The following TBC1D30 variants were observed in gnomAD, a reference collection of about 807,000 sequenced individuals.
TBC1D30 encodes TBC1 domain family, member 30.
A neutral mutation model predicts 63.2 loss-of-function variants in TBC1D30; 31 were observed. The observed-to-expected ratio is 0.49, with a 90% confidence interval of 0.37 to 0.66. The LOEUF is 0.66. Ranked by LOEUF, TBC1D30 falls within the 30% of genes least tolerant of loss-of-function variation. TBC1D30 has a pLI of 0.00. For synonymous variants in TBC1D30, 307 were observed against 361.5 expected (o/e 0.85, Z 1.71); for missense variants, 810 against 953.6 (o/e 0.85, Z 1.98).
chr12:64,857,080 T>C (rs1264545055), intron 8 of TBC1D30, among the ~76,000 whole-genome samples: 1 of 152,036 alleles, frequency 6.6e-6, no homozygotes, highest in Admixed American at 6.5e-5. Flanking sequence ...TGCTTGTTGC[T>C]CTACTCTACT....
chr12:64,861,236 A>G (rs757280059), intron 8 of TBC1D30, among the ~76,000 whole-genome samples: 1 of 152,256 alleles, frequency 6.6e-6, no homozygotes, highest in Non-Finnish European at 1.5e-5. Context: ...CAATAATTAC[A>G]AAATATAATG....
intron 2 of TBC1D30, among the ~76,000 whole-genome samples, chr12:64,804,413 A>G (rs371000185): frequency 6.6e-6 from 1 of 152,198 alleles, no homozygotes; most frequent in African/African-American, 2.4e-5. Flanking sequence ...TTTTCTAAAT[A>G]TAGAATAATG....
In TBC1D30 at chr12:64,879,303, G is replaced by A. The variant is rs1879307207; in HGVS notation, c.*3515G>A. On this transcript the variant is annotated 3_prime_UTR_variant, in exon 12 of 12. Coordinates refer to ENST00000539867, the MANE Select transcript of TBC1D30 (RefSeq NM_015279.2). ...GACTAATATTCCCTAATGTGTTCAT[G>A]CCAGAATTCACATAACCAGTACCTT... The A allele has an allele frequency of 6.6e-6, 1 of 152,158 alleles. No individual in the cohort carries two copies. The highest frequency in any genetic ancestry group is 1.5e-5 in the Non-Finnish European group (1 of 68,026). The allele number at this position is 152,158 out of a possible 1,614,324, so 9.4% of individuals were successfully genotyped here. A position where few individuals can be genotyped will look rare whatever the true frequency, so the allele number is the denominator to read the frequency against.
At chr12:64,851,466 T>G (rs765390471) in intron 8 of TBC1D30, among the ~76,000 whole-genome samples, 4 of 152,240 alleles carry the variant, frequency 2.6e-5, no homozygotes, top group Non-Finnish European at 4.4e-5. Flanking sequence ...CACCGATGGG[T>G]CTTGACTCTT....
chr12:64,855,224 A>AT (rs983262957), intron 8 of TBC1D30, among the ~76,000 whole-genome samples: 8 of 146,484 alleles, frequency 5.5e-5, no homozygotes, highest in African/African-American at 7.5e-5. Context: ...TATGTTACTC[A>AT]TTTTTTTTTT....
Position 64,828,479 on chromosome 12 carries a change from C to A in TBC1D30, c.252C>A (p.Ser84=). The A allele has an allele frequency of 6.5e-7, 1 of 1,535,804 alleles. No homozygotes were observed. Among genetic ancestry groups the A allele is most frequent in the South Asian group, 1.2e-5 (1 of 84,042 alleles). ...CTCTCAAGGCAGTTGCCAGGCTATC[C>A]ACAGGAATACCAAAGGAATGGAGGA... ...YDALKAVARL[S]TGIPKEWRRK... Residue 84 remains serine, a synonymous_variant, in exon 3 of 12, where the codon TCC becomes TCA. Transcript: ENST00000539867.
chr12:64,834,707 C>CTTTTTTT (rs11374555), intron 5 of TBC1D30, among the ~76,000 whole-genome samples: 67 of 76,320 alleles, frequency 8.8e-4, no homozygotes, highest in Middle Eastern at 0.013. Context: ...CCGTGCCGGG[C>CTTTTTTT]TTTTTTTTTT....
At chr12:64,830,552 A>G (rs1409594561) in intron 4 of TBC1D30, 50 bp downstream of exon 4, 1 of 1,438,712 alleles carries the variant, frequency 7.0e-7, no homozygotes, top group Non-Finnish European at 9.2e-7. Context: ...GAAAGACTCT[A>G]AAAGCCAGTT....
At chr12:64,759,552 C>T (rs921486947) in exon 1 of TBC1D30, 2 of 362,020 alleles carry the variant, frequency 5.5e-6, no homozygotes, top group Non-Finnish European at 9.5e-6. Flanking sequence ...GGCGGAGAAC[C>T]GGAGAAAAGG....
intron 8 of TBC1D30, among the ~76,000 whole-genome samples, chr12:64,862,845 C>G (rs1877904946): frequency 6.6e-6 from 1 of 151,976 alleles, no homozygotes; most frequent in Non-Finnish European, 1.5e-5. Context: ...GATTCTTGGC[C>G]CAGCTGTGGG....
At chr12:64,830,160 C>T (rs1176591243) in intron 3 of TBC1D30, among the ~76,000 whole-genome samples, 1 of 152,090 alleles carries the variant, frequency 6.6e-6, no homozygotes, top group African/African-American at 2.4e-5. Context: ...GGGAACTCAA[C>T]AAATATTTAT....
In TBC1D30 at chr12:64,824,835, G is replaced by A. The variant is rs572197084; in HGVS notation, c.-45G>A. 43 of 1,524,042 alleles carry A rather than the reference G, an allele frequency of 2.8e-5. No homozygotes were observed. The South Asian group carries it at 4.5e-4, about 16-fold the overall frequency. 94.4% of individuals were successfully genotyped at this position (1,524,042 alleles called of 1,614,324 possible). A position where few individuals can be genotyped will look rare whatever the true frequency, so the allele number is the denominator to read the frequency against. ...GCCGCTCAGCGAGTGGGGTAGCGGG[G>A]ACCGAGACGGACGGTAGCCGTGCCA... is the stretch of plus-strand genomic sequence containing the variant. On this transcript the variant is annotated 5_prime_UTR_variant, in exon 1 of 12. Transcript: ENST00000539867.
chr12:64,825,094 C>T (rs1347497928), intron 1 of TBC1D30, 61 bp downstream of exon 1: 2 of 1,486,142 alleles, frequency 1.3e-6, no homozygotes, highest in African/African-American at 1.4e-5. Context: ...GCCCGCGCTT[C>T]TGCCTTAGCC....
intron 2 of TBC1D30, among the ~76,000 whole-genome samples, chr12:64,817,182 G>C (rs1482585727): frequency 6.6e-6 from 1 of 152,228 alleles, no homozygotes; most frequent in East Asian, 1.9e-4. Context: ...GTGGGTCAGA[G>C]TCTGGGTCCT....
At chr12:64,800,714 G>A (rs889624878) in intron 2 of TBC1D30, among the ~76,000 whole-genome samples, 4 of 152,128 alleles carry the variant, frequency 2.6e-5, no homozygotes, top group African/African-American at 9.7e-5. Context: ...GGAGAGCAGC[G>A]TGGAAGATGC....
At chr12:64,865,715 G>A (rs1476711971) in intron 9 of TBC1D30, among the ~76,000 whole-genome samples, 2 of 152,092 alleles carry the variant, frequency 1.3e-5, no homozygotes, top group Non-Finnish European at 2.9e-5. Flanking sequence ...AATTAGCAGG[G>A]TGTGGTAGTG....
chr12:64,837,729 G>C (rs146819790), intron 6 of TBC1D30, among the ~76,000 whole-genome samples: 3 of 152,236 alleles, frequency 2.0e-5, no homozygotes, highest in African/African-American at 4.8e-5. Context: ...GAATAATCTC[G>C]TTTAACTTGG....
intron 8 of TBC1D30, among the ~76,000 whole-genome samples, chr12:64,850,247 A>G (rs1037128957): frequency 5.9e-5 from 9 of 152,176 alleles, no homozygotes; most frequent in African/African-American, 1.7e-4. Flanking sequence ...CTCTCTTCCT[A>G]TTTGAATACT....
At chr12:64,784,486 C>T (rs1334067697) in intron 1 of TBC1D30, among the ~76,000 whole-genome samples, 2 of 151,474 alleles carry the variant, frequency 1.3e-5, no homozygotes, top group Non-Finnish European at 2.9e-5. Flanking sequence ...CTCCATATCC[C>T]TTTAAAAATG....
Sources: allele counts gnomAD v4.1 joint callset (sites outside exome capture counted in the v4.1 genomes callset), GRCh38; gene constraint gnomAD v4.1.1; transcripts MANE v1.5; gene names NCBI Gene and HGNC (gene_info 2026-07-23, HGNC 2026-07-21).